TMPRSS15: variants seen among roughly 807,000 people sequenced by gnomAD.
TMPRSS15 encodes the protein transmembrane serine protease 15.
In TMPRSS15, 128 loss-of-function variants were observed where a neutral mutation model predicts 125.3. The observed-to-expected ratio is 1.02, with a 90% confidence interval of 0.89 to 1.18. The LOEUF is 1.18. Among genes scored for constraint, TMPRSS15 ranks in the 50% most tolerant of loss-of-function variants. The pLI, the probability that TMPRSS15 is intolerant of heterozygous loss-of-function variation, is 0.00. For synonymous variants in TMPRSS15, 446 were observed against 423.2 expected (o/e 1.05, Z -0.66); for missense variants, 1,283 against 1,212.7 (o/e 1.06, Z -0.86).
At chr21:18,288,553 TGAGATGGAG>T (rs2074794041) in intron 21 of TMPRSS15, among the ~76,000 whole-genome samples, 1 of 98,690 alleles carries the variant, frequency 1.0e-5, no homozygotes. Flanking sequence ...TTTTTTTTTT[TGAGATGGAG>T]TGTTGTGTTG....
At chr21:18,395,323 TAGAC>T (rs774997814) in intron 3 of TMPRSS15, among the ~76,000 whole-genome samples, 7 of 152,336 alleles carry the variant, frequency 4.6e-5, no homozygotes, top group Non-Finnish European at 1.0e-4. Flanking sequence ...ATGAATGTTT[TAGAC>T]AGACAGACTA....
chr21:18,273,585 C>A (rs917782556), intron 24 of TMPRSS15, among the ~76,000 whole-genome samples: 1 of 152,144 alleles, frequency 6.6e-6, no homozygotes, highest in African/African-American at 2.4e-5. Context: ...CTTAATGTAA[C>A]CCTAAAATCA....
At chr21:18,474,304 T>C (rs1462308008) in intron 1 of TMPRSS15, among the ~76,000 whole-genome samples, 1 of 152,024 alleles carries the variant, frequency 6.6e-6, no homozygotes, top group Non-Finnish European at 1.5e-5. Flanking sequence ...TATTTTTTTT[T>C]TTTGAGATGG....
chr21:18,283,283 A>C (rs1443813214), intron 21 of TMPRSS15, among the ~76,000 whole-genome samples: 1 of 152,118 alleles, frequency 6.6e-6, no homozygotes, highest in Admixed American at 6.6e-5. Context: ...CTAAAGCTCA[A>C]CTGGTCAGTT....
intron 16 of TMPRSS15, among the ~76,000 whole-genome samples, chr21:18,322,463 A>G (rs1368083196): frequency 6.6e-6 from 1 of 152,224 alleles, no homozygotes; most frequent in East Asian, 1.9e-4. Flanking sequence ...TAGCCAAGTT[A>G]TGCAGTCAAC....
At chr21:18,468,410 T>C (rs1382144710) in intron 1 of TMPRSS15, among the ~76,000 whole-genome samples, 1 of 152,110 alleles carries the variant, frequency 6.6e-6, no homozygotes, top group African/African-American at 2.4e-5. Flanking sequence ...AGAAGATACT[T>C]CTCTTGTTTA....
intron 18 of TMPRSS15, among the ~76,000 whole-genome samples, chr21:18,300,318 C>G (rs929273207): frequency 6.2e-5 from 9 of 146,000 alleles, no homozygotes; most frequent in African/African-American, 2.3e-4. Flanking sequence ...CTTTCTTTCT[C>G]CTTCCTTCCT....
intron 13 of TMPRSS15, among the ~76,000 whole-genome samples, chr21:18,338,252 A>G (rs978554320): frequency 6.6e-5 from 10 of 152,132 alleles, no homozygotes; most frequent in African/African-American, 2.4e-4. Context: ...TTTAAATATC[A>G]GGTCTAAGAA....
At chr21:18,373,289 C>G (rs1181334498) in intron 5 of TMPRSS15, among the ~76,000 whole-genome samples, 1 of 151,946 alleles carries the variant, frequency 6.6e-6, no homozygotes. Context: ...TTTGCTGAGT[C>G]TACATACAAC....
At chr21:18,290,501 G>T (rs952731185) in intron 21 of TMPRSS15, among the ~76,000 whole-genome samples, 34 of 144,104 alleles carry the variant, frequency 2.4e-4, no homozygotes, top group African/African-American at 8.1e-4. Context: ...AAGCTTGAGG[G>T]TTTTTTTTTT....
intron 1 of TMPRSS15, among the ~76,000 whole-genome samples, chr21:18,443,695 T>TG (rs1324430638): frequency 7.9e-5 from 12 of 152,234 alleles, no homozygotes. Context: ...TGCCAGCTAC[T>TG]GGCCCAATAG....
chr21:18,326,288 G>T, intron 16 of TMPRSS15, 144 bp downstream of exon 16: 2 of 1,267,702 alleles, frequency 1.6e-6, no homozygotes, highest in Non-Finnish European at 2.3e-6. Context: ...TGTAAAGGAG[G>T]AAAAATCATC....
upstream of TMPRSS15, among the ~76,000 whole-genome samples, chr21:18,404,660 A>G (rs1213169406): frequency 6.6e-6 from 1 of 152,108 alleles, no homozygotes; most frequent in Non-Finnish European, 1.5e-5. Flanking sequence ...AACCAATGTG[A>G]CTTTTATTCT....
intron 15 of TMPRSS15, among the ~76,000 whole-genome samples, chr21:18,327,734 T>C (rs950925553): frequency 7.0e-6 from 1 of 143,676 alleles, no homozygotes; most frequent in Admixed American, 6.9e-5. Context: ...ACACTTTTTT[T>C]GTGTGTGGGA....
intron 21 of TMPRSS15, among the ~76,000 whole-genome samples, chr21:18,285,118 G>C (rs2146880052): frequency 6.6e-6 from 1 of 152,334 alleles, no homozygotes; most frequent in South Asian, 2.1e-4. Flanking sequence ...CAGCAGGTTG[G>C]AGAGGGCAGA....
intron 5 of TMPRSS15, 32 bp from the exon 6 acceptor site, chr21:18,372,356 T>A (rs1205666622): frequency 6.2e-7 from 1 of 1,603,030 alleles, no homozygotes; most frequent in Non-Finnish European, 8.5e-7. Flanking sequence ...AATTTCCAAT[T>A]GATGAGATAT....
intron 24 of TMPRSS15, among the ~76,000 whole-genome samples, chr21:18,271,444 A>AGTT (rs2074554739): frequency 6.6e-6 from 1 of 152,144 alleles, no homozygotes; most frequent in Non-Finnish European, 1.5e-5. Flanking sequence ...GGTCGGTTGC[A>AGTT]GTTACTCAAG....
chr21:18,423,532 C>T (rs1413888024), intron 1 of TMPRSS15, among the ~76,000 whole-genome samples: 3 of 151,476 alleles, frequency 2.0e-5, no homozygotes, highest in East Asian at 1.9e-4. Context: ...CCTCAGCCTC[C>T]TGAGTAGCTG....
intron 13 of TMPRSS15, among the ~76,000 whole-genome samples, chr21:18,339,957 T>C (rs1034299100): frequency 6.6e-6 from 1 of 152,212 alleles, no homozygotes; most frequent in Admixed American, 6.5e-5. Context: ...AAAGATCTTA[T>C]AGGACATTGT....
Sources: gnomAD v4.1 joint callset for allele counts (sites outside exome capture counted in the v4.1 genomes callset) on GRCh38, gnomAD v4.1.1 for gene constraint, MANE v1.5 for transcripts, NCBI Gene and HGNC (gene_info 2026-07-23, HGNC 2026-07-21) for gene names.